The following KCNAB1 variants were observed in gnomAD, a reference collection of about 807,000 sequenced individuals.
KCNAB1 encodes potassium voltage-gated channel subfamily A regulatory beta subunit 1.
In KCNAB1, 35 loss-of-function variants were observed where a neutral mutation model predicts 64.6. The ratio of observed to expected loss-of-function variants is 0.54; its 90% CI spans 0.41 to 0.72. The LOEUF is 0.72. Ranked by LOEUF, KCNAB1 falls within the 30% of genes least tolerant of loss-of-function variation. KCNAB1 has a pLI of 0.00. For synonymous variants in KCNAB1, 177 were observed against 183.8 expected, an observed-to-expected ratio of 0.96 and a Z score of 0.30; for missense variants, 401 against 512.9, an observed-to-expected ratio of 0.78 and a Z score of 2.11.
At chr3:156,305,636 G>C (rs1399485967) in intron 1 of KCNAB1, among the ~76,000 whole-genome samples, 1 of 152,160 alleles carries the variant, frequency 6.6e-6, no homozygotes, top group Non-Finnish European at 1.5e-5. Flanking sequence ...GAAACTAATA[G>C]TTGTACACAG....
At chr3:156,360,628 T>C (rs1161326221) in intron 1 of KCNAB1, among the ~76,000 whole-genome samples, 1 of 151,988 alleles carries the variant, frequency 6.6e-6, no homozygotes, top group Non-Finnish European at 1.5e-5. Context: ...GGAGGGAGCA[T>C]TGCTTGAGCC....
intron 1 of KCNAB1, among the ~76,000 whole-genome samples, chr3:156,265,044 G>A (rs185870789): frequency 1.3e-5 from 2 of 152,216 alleles, no homozygotes; most frequent in East Asian, 1.9e-4. Flanking sequence ...TCACATGCCT[G>A]TAATCTTCTA....
At chr3:156,461,059 A>T (rs1314040874) in intron 5 of KCNAB1, among the ~76,000 whole-genome samples, 1 of 152,164 alleles carries the variant, frequency 6.6e-6, no homozygotes, top group Admixed American at 6.5e-5. Flanking sequence ...ATTCCACCTT[A>T]TATATGGAAA....
At chr3:156,370,417 T>A (rs995954533) in intron 1 of KCNAB1, among the ~76,000 whole-genome samples, 1 of 152,182 alleles carries the variant, frequency 6.6e-6, no homozygotes, top group Non-Finnish European at 1.5e-5. Context: ...CTGCCTGAAA[T>A]TTTTTTAGCA....
Position 156,458,616 on chromosome 3 carries a change from C to T in KCNAB1, c.437+1084C>T, listed in dbSNP as rs149148353. Among the ~76,000 whole-genome samples the T allele has an allele frequency of 2.4e-4, 36 of 152,292 alleles. No individual in the cohort carries two copies. The South Asian group carries it at 6.2e-3, about 26-fold the overall frequency. On this transcript the variant is annotated intron_variant, in intron 4 of 13. Transcript: ENST00000490337. ...GACCATCAAGGAGGTTCAGAGCTCA[C>T]ATTCTTGATGCTTTCTGTTGAATCC...
intron 1 of KCNAB1, among the ~76,000 whole-genome samples, chr3:156,142,222 C>A (rs79128010): frequency 6.6e-6 from 1 of 152,274 alleles, no homozygotes; most frequent in East Asian, 1.9e-4. Flanking sequence ...ATCCCCTTCA[C>A]GTGGTATTTC....
At chr3:156,298,166 A>G (rs921521561) in intron 1 of KCNAB1, among the ~76,000 whole-genome samples, 7 of 152,166 alleles carry the variant, frequency 4.6e-5, no homozygotes, top group Admixed American at 1.3e-4. Context: ...TCTGGCATCC[A>G]TGGGATGGTG....
intron 1 of KCNAB1, among the ~76,000 whole-genome samples, chr3:156,231,655 G>A (rs1476540261): frequency 6.6e-6 from 1 of 151,534 alleles, no homozygotes; most frequent in African/African-American, 2.4e-5. Flanking sequence ...TCTGAAGTCC[G>A]CTACCTAAGC....
chr3:156,185,401 A>G (rs913938782), intron 1 of KCNAB1, among the ~76,000 whole-genome samples: 19 of 152,194 alleles, frequency 1.2e-4, no homozygotes, highest in Non-Finnish European at 1.5e-5. Context: ...CCAGCTGGGG[A>G]GGCACAACTT....
At chr3:156,493,463 A>T (rs901223998) in intron 8 of KCNAB1, among the ~76,000 whole-genome samples, 22 of 152,076 alleles carry the variant, frequency 1.4e-4, no homozygotes, top group African/African-American at 5.3e-4. Context: ...ATATAATTTC[A>T]GACATAAAAA....
chr3:156,278,555 A>G (rs1194356240), intron 1 of KCNAB1, among the ~76,000 whole-genome samples: 1 of 152,084 alleles, frequency 6.6e-6, no homozygotes, highest in Non-Finnish European at 1.5e-5. Flanking sequence ...TCCCTCCTTC[A>G]TTTAATTTGT....
At chr3:156,234,579 G>T (rs909513400) in intron 1 of KCNAB1, among the ~76,000 whole-genome samples, 1 of 152,010 alleles carries the variant, frequency 6.6e-6, no homozygotes, top group Non-Finnish European at 1.5e-5. Flanking sequence ...GGGATGGGTT[G>T]GGGGGGTGTC....
intron 1 of KCNAB1, chr3:156,143,514 C>A: frequency 1.2e-6 from 1 of 851,144 alleles, no homozygotes; most frequent in Non-Finnish European, 1.7e-6. Flanking sequence ...AAGACAAAAC[C>A]CTGTAAGAAA....
chr3:156,197,390 T>A lies in KCNAB1; in HGVS notation c.275+76504T>A, dbSNP rs980650479. ...TGGTTTCAGAACGAATGCTACCAGC[T>A]CCTCTTTGTACCTCTGGTATAATTT... On this transcript the variant is annotated intron_variant, in intron 1 of 13. Transcript: ENST00000490337. 3.3e-5 allele frequency among the ~76,000 whole-genome samples: 5 copies of A among 152,190 alleles called. No individual in the cohort carries two copies. In the East Asian group the frequency reaches 9.6e-4, roughly 29 times the overall value.
intron 1 of KCNAB1, among the ~76,000 whole-genome samples, chr3:156,356,828 C>G (rs1725276261): frequency 6.6e-6 from 1 of 152,144 alleles, no homozygotes; most frequent in South Asian, 2.1e-4. Flanking sequence ...CTTTTGAATT[C>G]TCTAGCAATT....
chr3:156,196,589 C>T (rs542821531), intron 1 of KCNAB1, among the ~76,000 whole-genome samples: 1 of 152,206 alleles, frequency 6.6e-6, no homozygotes, highest in African/African-American at 2.4e-5. Context: ...TGGGAGTTTA[C>T]TCATGATTTG....
chr3:156,324,352 A>G (rs1002863773), intron 1 of KCNAB1, among the ~76,000 whole-genome samples: 3 of 152,312 alleles, frequency 2.0e-5, no homozygotes, highest in Admixed American at 2.0e-4. Context: ...ATTAGGAGGC[A>G]TAATAGGTAA....
At chr3:156,118,252 A>G (rs1164491592), upstream of KCNAB1, 5 of 445,542 alleles carry the variant, frequency 1.1e-5, no homozygotes, top group Non-Finnish European at 1.8e-5. Context: ...ATCTAAGGAT[A>G]CTGCTCAAGC....
Position 156,474,731 on chromosome 3 carries a change from C to G in KCNAB1, c.572-3C>G, listed in dbSNP as rs772082884. On this transcript the variant is annotated splice_region_variant and splice_polypyrimidine_tract_variant and intron_variant, in intron 7 of 13. Coordinates refer to ENST00000490337, the MANE Select transcript of KCNAB1 (RefSeq NM_172160.3). ...GGGGTTTGTTTCCTGCTTCTGCTCC[C>G]AGGATTGAAGGGCTCCCTCCAGAGG... 6.2e-7 allele frequency: 1 copy of G among 1,612,334 alleles called. No homozygotes were observed. Among genetic ancestry groups the G allele is most frequent in the South Asian group, 1.1e-5 (1 of 91,000 alleles).
Sources: gnomAD v4.1 joint callset for allele counts (sites outside exome capture counted in the v4.1 genomes callset) on GRCh38, gnomAD v4.1.1 for gene constraint, MANE v1.5 for transcripts, NCBI Gene and HGNC (gene_info 2026-07-23, HGNC 2026-07-21) for gene names.